Variants in TXNDC2 observed in about 807,000 individuals in gnomAD.
The protein encoded by TXNDC2 is thioredoxin domain containing 2, also known as thioredoxin domain-containing protein 2.
A neutral mutation model predicts 0.4 loss-of-function variants in TXNDC2; 1 was observed. The observed-to-expected ratio is 2.30, with a 90% CI of 0.82 to 10.89. TXNDC2 has a LOEUF of 10.89. Among genes scored for constraint, TXNDC2 ranks in the 30% most tolerant of loss-of-function variants. The pLI, the probability that TXNDC2 is intolerant of heterozygous loss-of-function variation, is 0.12. For synonymous variants in TXNDC2, 183 were observed against 224.6 expected (o/e 0.81, Z 1.66); for missense variants, 509 against 579.8 (o/e 0.88, Z 1.25).
rs113721834 is a variant in TXNDC2 at position 9,888,175 on chromosome 18, T to G, written c.*34T>G. ...TCTGAAAACATTGCAGACAGTCAGG[T>G]GTTTATAGCTTTTGAGTTCTCTTTT... On this transcript the variant is annotated 3_prime_UTR_variant, in exon 2 of 2. Coordinates refer to ENST00000357775, the MANE Select transcript of TXNDC2 (RefSeq NM_032243.6). The G allele has an allele frequency of 2.3e-5, 35 of 1,508,582 alleles. No homozygotes were observed. Among genetic ancestry groups the G allele is most frequent in the African/African-American group, 2.2e-4 (16 of 71,490 alleles). The allele number at this position is 1,508,582 out of a possible 1,614,324, so 93.4% of individuals were successfully genotyped here. A position where few individuals can be genotyped will look rare whatever the true frequency, so the allele number is the denominator to read the frequency against.
In TXNDC2 at chr18:9,887,526, A is replaced by G. The variant is rs532565587; in HGVS notation, c.846A>G (p.Glu282=). Residue 282 remains glutamate, a synonymous_variant, in exon 2 of 2, where the codon GAA becomes GAG. Transcript: ENST00000357775. ...AGGGTGACATCCCCAAGTCCCCAGA[A>G]GAAACCATCCAGCCCAAGAAGGGTG... ...PKEGDIPKSP[E]ETIQPKKGDI... is the part of the protein sequence containing the mutation. The G allele has an allele frequency of 3.2e-5, 49 of 1,534,744 alleles. No homozygotes were observed. Among genetic ancestry groups the G allele is most frequent in the Non-Finnish European group, 3.9e-5 (44 of 1,134,288 alleles).
Position 9,888,132 on chromosome 18 carries a change from A to G in TXNDC2, c.1452A>G (p.Glu484=). 1 of 1,609,004 alleles carries G rather than the reference A, an allele frequency of 6.2e-7. No individual in the cohort carries two copies. The highest frequency in any genetic ancestry group is 2.2e-5 in the East Asian group (1 of 44,608). ...AAAAACTTGAAGCAGTCATTGCAGAATTAAAGTAAACATGTATTCTGAAAA... is the reference window on the plus strand; with the variant it reads ...AAAAACTTGAAGCAGTCATTGCAGAGTTAAAGTAAACATGTATTCTGAAAA... ...LKEKLEAVIA[E]LK Residue 484 remains glutamate (E), a synonymous_variant, in exon 2 of 2, where the codon GAA becomes GAG. Transcript: ENST00000357775.
chr18:9,886,051 G>A lies in TXNDC2; in HGVS notation c.-122G>A. The A allele has an allele frequency of 1.3e-6, 1 of 755,862 alleles. No individual in the cohort carries two copies. Among genetic ancestry groups the A allele is most frequent in the Non-Finnish European group, 2.2e-6 (1 of 456,608 alleles). The allele number at this position is 755,862 out of a possible 1,614,324, so 46.8% of individuals were successfully genotyped here. On this transcript the variant is annotated 5_prime_UTR_variant, in exon 1 of 2. Transcript: ENST00000357775. ...ATATCACTGTTGTGAATACAGAGAG[G>A]GAAAACCAACTGTAACGTGCCACCC...
Position 9,886,639 on chromosome 18 carries a change from T to C in TXNDC2, c.-42T>C. The C allele has an allele frequency of 6.2e-7, 1 of 1,614,034 alleles. No individual in the cohort carries two copies. On this transcript the variant is annotated 5_prime_UTR_variant, in exon 2 of 2. Transcript: ENST00000357775. ...CAACGTGCCTCTCCTGGCCCTAGAG[T>C]TCTTGGAAATAGCCCAGGCCAAAGA...
Position 9,886,013 on chromosome 18 carries a change from T to C in TXNDC2, c.-160T>C, listed in dbSNP as rs985145527. 6.6e-6 allele frequency: 4 copies of C among 602,816 alleles called. No homozygotes were observed. In the African/African-American group the frequency reaches 7.5e-5, roughly 11 times the overall value. The allele number at this position is 602,816 out of a possible 1,614,324, so 37.3% of individuals were successfully genotyped here. A position where few individuals can be genotyped will look rare whatever the true frequency, so the allele number is the denominator to read the frequency against. On this transcript the variant is annotated 5_prime_UTR_variant, in exon 1 of 2. Transcript: ENST00000357775. ...CCAGCCTCAGCACAGGGGAGCCACCTTGAAGCTCTCAAATATCACTGTTGT... is the reference window on the plus strand; with the variant it reads ...CCAGCCTCAGCACAGGGGAGCCACCCTGAAGCTCTCAAATATCACTGTTGT...
Position 9,887,399 on chromosome 18 carries a change from TC to T in TXNDC2, c.721del (p.Gln241SerfsTer26). On this transcript the variant is annotated frameshift_variant, in exon 2 of 2. Transcript: ENST00000357775. LOFTEE classifies it low-confidence loss of function (END_TRUNC). Reference protein sequence around the residue: ...GDLPKSLEEAIQPKEGDIPKS... With the variant: ...GDLPKSLEEAXQPKEGDIPKS... Reference sequence around the variant, plus strand: ...CTCCCCAAGTCCCTAGAGGAAGCCATCCAGCCCAAGGAGGGTGACATCCCCA... The same window carrying T: ...CTCCCCAAGTCCCTAGAGGAAGCCATCAGCCCAAGGAGGGTGACATCCCCA... 3.4e-5 allele frequency: 33 copies of T among 984,370 alleles called. No individual in the cohort carries two copies. The highest frequency in any genetic ancestry group is 6.2e-5 in the African/African-American group (3 of 48,004). 61.0% of individuals were successfully genotyped at this position (984,370 alleles called of 1,614,324 possible).
Position 9,887,897 on chromosome 18 carries a change from T to C in TXNDC2, c.1217T>C (p.Val406Ala). The C allele has an allele frequency of 7.4e-6, 12 of 1,613,056 alleles. No individual in the cohort carries two copies. Among genetic ancestry groups the C allele is most frequent in the Non-Finnish European group, 1.0e-5 (12 of 1,179,214 alleles). ...GAGGCCGGGGAGAGGCTGGTGGCTG[T>C]GGACTTCTCGGCCACGTGGTGTGGG... The part of the protein sequence containing the change: ...LKEAGERLVA[V>A]DFSATWCGPC... The change falls in exon 2 of 2, where the codon GTG becomes GCG. Residue 406 changes from valine to alanine, a missense_variant. By Grantham distance (64) the Val-to-Ala change is moderately conservative. Transcript: ENST00000357775.
Position 9,886,060 on chromosome 18 carries a change from A to G in TXNDC2, c.-113A>G, listed in dbSNP as rs2068946512. ...TTGTGAATACAGAGAGGGAAAACCA[A>G]CTGTAACGTGCCACCCAAATGTAAG... On this transcript the variant is annotated 5_prime_UTR_variant, in exon 1 of 2. Coordinates refer to ENST00000357775, the MANE Select transcript of TXNDC2 (RefSeq NM_032243.6). 14 of 811,318 alleles carry G rather than the reference A, an allele frequency of 1.7e-5. No individual in the cohort carries two copies. The South Asian group carries it at 1.9e-4, about 11-fold the overall frequency. 50.3% of individuals were successfully genotyped at this position (811,318 alleles called of 1,614,324 possible).
chr18:9,886,380 A>G, intron 1 of TXNDC2: 2 of 1,163,472 alleles, frequency 1.7e-6, no homozygotes, highest in South Asian at 1.4e-5. Context: ...GCTTAAGAAC[A>G]TGTATACAGA....
In TXNDC2 at chr18:9,888,312, A is replaced by G. The variant is rs2068974648; in HGVS notation, c.*171A>G. 7.0e-6 allele frequency: 4 copies of G among 567,726 alleles called. No homozygotes were observed. The highest frequency in any genetic ancestry group is 4.6e-4 in the Middle Eastern group (1 of 2,154). The allele number at this position is 567,726 out of a possible 1,614,324, so 35.2% of individuals were successfully genotyped here. ...CAAAAAACAGTCCAAGCATTAAAGT[A>G]CATTGCGACTGTGTTTCTGTTAGTG... On this transcript the variant is annotated 3_prime_UTR_variant, in exon 2 of 2. Transcript: ENST00000357775.
At position 9,886,839 on chromosome 18, in the gene TXNDC2, C is replaced by T; in HGVS notation, c.159C>T (p.Pro53=). 6.2e-7 allele frequency: 1 copy of T among 1,611,596 alleles called. No homozygotes were observed. Among genetic ancestry groups the T allele is most frequent in the Non-Finnish European group, 8.5e-7 (1 of 1,178,784 alleles). The part of the protein sequence containing the change: ...ETIQPKEGDI[P]KAPEETIQSK... ...TCCAGCCCAAGGAGGGTGACATCCCCAAGGCCCCAGAAGAAACCATCCAAT... is the reference window on the plus strand; with the variant it reads ...TCCAGCCCAAGGAGGGTGACATCCCTAAGGCCCCAGAAGAAACCATCCAAT... The change falls in exon 2 of 2, where the codon CCC becomes CCT. Residue 53 remains proline (P), a synonymous_variant. Transcript: ENST00000357775.
rs1567882324 is a variant in TXNDC2 at position 9,886,902 on chromosome 18, C to G, written c.222C>G (p.Ala74=). The stretch of plus-strand genomic sequence containing the variant: ...ACCTCCCCAAGTCCTCAGAAAAAGC[C>G]ATCCAGCCCAAAGAGAGTAACATCC... ...KEDLPKSSEK[A]IQPKESNIPK... Residue 74 remains alanine, a synonymous_variant, in exon 2 of 2, where the codon GCC becomes GCG. Transcript: ENST00000357775. 2 of 1,607,440 alleles carry G rather than the reference C, an allele frequency of 1.2e-6. No homozygotes were observed. The highest frequency in any genetic ancestry group is 8.5e-7 in the Non-Finnish European group (1 of 1,176,230).
chr18:9,887,356 C>A lies in TXNDC2; in HGVS notation c.676C>A (p.Gln226Lys). 1 of 1,580,872 alleles carries A rather than the reference C, an allele frequency of 6.3e-7. No homozygotes were observed. Among genetic ancestry groups the A allele is most frequent in the Non-Finnish European group, 8.6e-7 (1 of 1,160,620 alleles). The change falls in exon 2 of 2, where the codon CAG becomes AAG. Residue 226 changes from glutamine (Q) to lysine (K), a missense_variant. Around this residue, in one of 5 missense-constraint regions of TXNDC2, gnomAD observed 65 missense variants for 46.0 expected, o/e 1.41. Coordinates refer to ENST00000357775, the MANE Select transcript of TXNDC2 (RefSeq NM_032243.6). Reference protein sequence around the residue: ...DISKSPEEAIQPKEGDLPKSL... With the variant: ...DISKSPEEAIKPKEGDLPKSL... ...CTCCAAGTCCCCAGAAGAAGCCATC[C>A]AGCCCAAGGAGGGTGACCTCCCCAA...
Position 9,887,739 on chromosome 18 carries a change from C to G in TXNDC2, c.1059C>G (p.Pro353=), listed in dbSNP as rs1336388999. ...TCCAGCCCAAGGAGGATGACAGCCC[C>G]AAGTCCCTAGAAGAAGCCACCCCAT... ...ETIQPKEDDS[P]KSLEEATPSK... Residue 353 remains proline (P), a synonymous_variant, in exon 2 of 2, where the codon CCC becomes CCG. Coordinates refer to ENST00000357775, the MANE Select transcript of TXNDC2 (RefSeq NM_032243.6). 1 of 1,614,176 alleles carries G rather than the reference C, an allele frequency of 6.2e-7. No individual in the cohort carries two copies. The highest frequency in any genetic ancestry group is 8.5e-7 in the Non-Finnish European group (1 of 1,180,016).
At position 9,888,922 on chromosome 18, in the gene TXNDC2, G is replaced by T. The variant is rs1169776462; in HGVS notation, c.*781G>T. The T allele has an allele frequency of 6.6e-6, 1 of 152,014 alleles. No individual in the cohort carries two copies. The highest frequency in any genetic ancestry group is 2.1e-4 in the South Asian group (1 of 4,814). 9.4% of individuals were successfully genotyped at this position (152,014 alleles called of 1,614,324 possible). ...TCCTCTGACTTTTTTACTTAAATTT[G>T]TTCTTATTTTCAATATTGAACAAGC... On this transcript the variant is annotated 3_prime_UTR_variant, in exon 2 of 2. Transcript: ENST00000357775.
At position 9,887,554 on chromosome 18, in the gene TXNDC2, A is replaced by G. The variant is rs765611430; in HGVS notation, c.874A>G (p.Ile292Val). ...EETIQPKKGD[I>V]PKSPEEAIQP... ...AACCATCCAGCCCAAGAAGGGTGACATCCCCAAGTCCCCAGAAGAAGCCAT... is the reference window on the plus strand; with the variant it reads ...AACCATCCAGCCCAAGAAGGGTGACGTCCCCAAGTCCCCAGAAGAAGCCAT... Residue 292 changes from isoleucine to valine, a missense_variant, in exon 2 of 2, where the codon ATC becomes GTC. Physicochemically the swap from Ile to Val is conservative, Grantham distance 29. Around this residue, in one of 5 missense-constraint regions of TXNDC2, gnomAD observed 229 missense variants for 243.8 expected, o/e 0.94. Transcript: ENST00000357775. 9 of 1,589,654 alleles carry G rather than the reference A, an allele frequency of 5.7e-6. No individual in the cohort carries two copies. In the East Asian group the frequency reaches 7.1e-5, roughly 13 times the overall value.
Position 9,888,261 on chromosome 18 carries a change from C to A in TXNDC2, c.*120C>A. 1.3e-6 allele frequency: 1 copy of A among 766,698 alleles called. No homozygotes were observed. Among genetic ancestry groups the A allele is most frequent in the African/African-American group, 1.8e-5 (1 of 57,120 alleles). 47.5% of individuals were successfully genotyped at this position (766,698 alleles called of 1,614,324 possible). On this transcript the variant is annotated 3_prime_UTR_variant, in exon 2 of 2. Transcript: ENST00000357775. ...GTATGTCCAAATGGCACTGCTTGTA[C>A]ATGATAATATTAACTCTACCCTTTT...
In TXNDC2 at chr18:9,888,247, T is replaced by C. The variant is rs2068974297; in HGVS notation, c.*106T>C. ...GGTATAACAAAAGTGTATGTCCAAA[T>C]GGCACTGCTTGTACATGATAATATT... On this transcript the variant is annotated 3_prime_UTR_variant, in exon 2 of 2. Coordinates refer to ENST00000357775, the MANE Select transcript of TXNDC2 (RefSeq NM_032243.6). The C allele has an allele frequency of 1.2e-6, 1 of 858,306 alleles. No individual in the cohort carries two copies. The highest frequency in any genetic ancestry group is 1.8e-6 in the Non-Finnish European group (1 of 568,766). 53.2% of individuals were successfully genotyped at this position (858,306 alleles called of 1,614,324 possible). A position where few individuals can be genotyped will look rare whatever the true frequency, so the allele number is the denominator to read the frequency against.
chr18:9,887,850 G>C lies in TXNDC2; in HGVS notation c.1170G>C (p.Glu390Asp), dbSNP rs1355569032. The C allele has an allele frequency of 6.2e-7, 1 of 1,610,210 alleles. No individual in the cohort carries two copies. The highest frequency in any genetic ancestry group is 2.2e-5 in the East Asian group (1 of 44,800). ...GDKVKVILSK[E>D]DFEASLKEAG... ...AGGTGAAAGTGATCCTGAGCAAGGA[G>C]GACTTTGAGGCATCACTGAAGGAGG... Residue 390 changes from glutamate (E) to aspartate (D), a missense_variant, in exon 2 of 2, where the codon GAG (glutamate) becomes GAC (aspartate). Around this residue, in one of 5 missense-constraint regions of TXNDC2, gnomAD observed 229 missense variants for 243.8 expected, o/e 0.94. Coordinates refer to ENST00000357775, the MANE Select transcript of TXNDC2 (RefSeq NM_032243.6).
Sources: allele counts gnomAD v4.1 joint callset, GRCh38; gene constraint gnomAD v4.1.1; regional missense constraint gnomAD v4.1.1; transcripts MANE v1.5; gene names NCBI Gene and HGNC (gene_info 2026-07-23, HGNC 2026-07-21).